The following COL4A5 variants were observed in gnomAD, a reference collection of about 807,000 sequenced individuals.
COL4A5 encodes the protein collagen type IV alpha 5 chain.
A neutral mutation model predicts 130.2 loss-of-function variants in COL4A5; 26 were observed. The ratio of observed to expected loss-of-function variants is 0.20; its 90% confidence interval spans 0.15 to 0.28. COL4A5 has a LOEUF of 0.28. COL4A5 is among the 10% of genes least tolerant of loss of function. The pLI is 1.00. For missense variants in COL4A5, 1,131 were observed against 1,344.3 expected (o/e 0.84, Z 2.48); for synonymous variants, 496 against 439.6 (o/e 1.13, Z -1.60).
chrX:108,485,067 C>T (rs1480105184), intron 1 of COL4A5, among the ~76,000 whole-genome samples: 1 of 112,054 alleles, frequency 8.9e-6, no homozygotes. Flanking sequence ...GGAGCCTCAC[C>T]TCATGGTCAC....
intron 1 of COL4A5, among the ~76,000 whole-genome samples, chrX:108,527,093 G>T (rs113128653): frequency 3.0e-4 from 33 of 110,537 alleles, no homozygotes; most frequent in Non-Finnish European, 6.1e-4. Context: ...TGAAGAGTCC[G>T]TGCTAGTTGT....
intron 36 of COL4A5, among the ~76,000 whole-genome samples, chrX:108,630,019 G>C (rs1442061524): frequency 9.0e-6 from 1 of 111,660 alleles, no homozygotes. Flanking sequence ...AGTATTCCAT[G>C]GTGTATATGT....
chrX:108,565,206 G>A (rs2065950268), intron 4 of COL4A5, among the ~76,000 whole-genome samples: 1 of 110,976 alleles, frequency 9.0e-6, no homozygotes, highest in Non-Finnish European at 1.9e-5. Context: ...GGAATAGGTG[G>A]CCTGATAGTT....
intron 19 of COL4A5, among the ~76,000 whole-genome samples, chrX:108,588,149 T>A (rs1280461933): frequency 1.8e-5 from 2 of 111,292 alleles, no homozygotes; most frequent in South Asian, 7.5e-4. Flanking sequence ...TTTATTTGAA[T>A]GTTCTCTGAA....
chrX:108,551,359 G>A (rs866436466), intron 2 of COL4A5, among the ~76,000 whole-genome samples: 1 of 111,293 alleles, frequency 9.0e-6, no homozygotes, highest in Non-Finnish European at 1.9e-5. Context: ...GAACACATAC[G>A]CCTCAAAAGA....
At chrX:108,570,178 A>C (rs2066041075) in intron 6 of COL4A5, among the ~76,000 whole-genome samples, 2 of 111,648 alleles carry the variant, frequency 1.8e-5, no homozygotes, top group Non-Finnish European at 1.9e-5. Flanking sequence ...TTTTTAAAAA[A>C]AATTTTGGAT....
chrX:108,533,531 T>A (rs2065414271), intron 1 of COL4A5, among the ~76,000 whole-genome samples: 1 of 110,774 alleles, frequency 9.0e-6, no homozygotes, highest in South Asian at 3.8e-4. Context: ...CTTAAGCAAT[T>A]CAACAAGCTA....
chrX:108,498,833 T>C (rs2065055092), intron 1 of COL4A5, among the ~76,000 whole-genome samples: 1 of 111,488 alleles, frequency 9.0e-6, no homozygotes, highest in African/African-American at 3.3e-5. Context: ...TTTACTAACT[T>C]CAGTTTTATA....
intron 3 of COL4A5, among the ~76,000 whole-genome samples, chrX:108,562,721 A>C (rs1393705296): frequency 8.9e-6 from 1 of 112,012 alleles, no homozygotes; most frequent in African/African-American, 3.2e-5. Context: ...ATTCTGGTAC[A>C]TGTGTATGTT....
intron 1 of COL4A5, among the ~76,000 whole-genome samples, chrX:108,516,989 A>G (rs1337521937): frequency 9.0e-6 from 1 of 111,627 alleles, no homozygotes; most frequent in African/African-American, 3.2e-5. Flanking sequence ...TGCATACATC[A>G]GAGCATTATT....
Position 108,693,965 on chromosome X carries a change from T to TA in COL4A5, c.4707-839dup, listed in dbSNP as rs769865053. The TA allele has an allele frequency of 1.2e-3, 138 of 110,945 alleles. 1 individual carries two copies. Among genetic ancestry groups the TA allele is most frequent in the African/African-American group, 3.4e-3 (105 of 30,486 alleles). The allele number at this position is 110,945 out of a possible 1,213,427, so 9.1% of individuals were successfully genotyped here. On this transcript the variant is annotated intron_variant, in intron 50 of 52. Transcript: ENST00000328300. ...TTCCTTTGATAGTAAATATAAAGAT[T>TA]AAAGCTGGTTCAGCCTTAGTAGCAA...
chrX:108,623,794 G>T (rs1463443197), intron 33 of COL4A5, among the ~76,000 whole-genome samples: 1 of 111,682 alleles, frequency 9.0e-6, no homozygotes, highest in Non-Finnish European at 1.9e-5. Context: ...AAGAGGCAGG[G>T]TCACCTAATT....
Position 108,601,804 on chromosome X carries a change from A to T in COL4A5, c.2042-81A>T, listed in dbSNP as rs1249340549. 1.3e-5 allele frequency: 8 copies of T among 604,010 alleles called. No individual in the cohort carries two copies. The East Asian group carries it at 1.8e-4, about 14-fold the overall frequency. 49.8% of individuals were successfully genotyped at this position (604,010 alleles called of 1,213,427 possible). On this transcript the variant is annotated intron_variant, in intron 26 of 52. Coordinates refer to ENST00000328300, the MANE Select transcript of COL4A5 (RefSeq NM_033380.3). ...CTCAGCCTCCCAAAGTGCTGGGATTACAAGAGTGAGCCACTGCACCTGGCC... is the reference window on the plus strand; with the variant it reads ...CTCAGCCTCCCAAAGTGCTGGGATTTCAAGAGTGAGCCACTGCACCTGGCC...
At chrX:108,523,313 A>G (rs921741867) in intron 1 of COL4A5, among the ~76,000 whole-genome samples, 3 of 112,132 alleles carry the variant, frequency 2.7e-5, no homozygotes, top group Non-Finnish European at 5.6e-5. Context: ...GCATATAGGT[A>G]TCCAGTTGTT....
At chrX:108,621,304 C>A (rs2067045261) in intron 31 of COL4A5, among the ~76,000 whole-genome samples, 1 of 108,479 alleles carries the variant, frequency 9.2e-6, no homozygotes, top group Non-Finnish European at 1.9e-5. Flanking sequence ...ACTACAAGCA[C>A]ATACCACCAC....
intron 25 of COL4A5, 127 bp downstream of exon 25, chrX:108,598,997 G>T: frequency 1.6e-6 from 1 of 619,184 alleles, no homozygotes; most frequent in East Asian, 3.5e-5. Context: ...ACTCTTCAGA[G>T]CATCTTAGCA....
At chrX:108,644,730 T>G (rs1435434371) in intron 36 of COL4A5, among the ~76,000 whole-genome samples, 1 of 110,329 alleles carries the variant, frequency 9.1e-6, no homozygotes, top group African/African-American at 3.3e-5. Flanking sequence ...TGAAACCTTA[T>G]GTCTACTAAA....
Position 108,695,343 on chromosome X carries a change from C to T in COL4A5, c.4898C>T (p.Ala1633Val), listed in dbSNP as rs982188184. The change falls in exon 52 of 53, where the codon GCT becomes GTT. Residue 1633 changes from alanine to valine, a missense_variant. Physicochemically the swap from Ala to Val is moderately conservative, Grantham distance 64. Transcript: ENST00000328300. Reference protein sequence around the residue: ...PGSCLEEFRSAPFIECHGRGT... With the variant: ...PGSCLEEFRSVPFIECHGRGT... ...TCCTGCTTGGAAGAGTTTCGTTCAG[C>T]TCCCTTCATCGAATGTCATGGGAGG... 1.5e-5 allele frequency: 18 copies of T among 1,209,553 alleles called. 1 individual carries two copies. Among genetic ancestry groups the T allele is most frequent in the Admixed American group, 1.3e-4 (6 of 45,651 alleles).
Position 108,563,925 on chromosome X carries a change from G to A in COL4A5, c.275G>A (p.Arg92Lys). Residue 92 changes from arginine (R) to lysine (K), a missense_variant and splice_region_variant, in exon 4 of 53, where the codon AGA becomes AAA. Arg to Lys is a conservative substitution (Grantham distance 26, BLOSUM62 2). Coordinates refer to ENST00000328300, the MANE Select transcript of COL4A5 (RefSeq NM_033380.3). ...GGGCCACCAGGACCAAAAGGAATCA[G>A]AGTAAGTAGTATTTTCTCTATATCA... is the stretch of plus-strand genomic sequence containing the variant. ...IPGPPGPKGI[R>K]GPPGLPGFPG... The A allele has an allele frequency of 1.7e-6, 2 of 1,195,318 alleles. No individual in the cohort carries two copies. Among genetic ancestry groups the A allele is most frequent in the Non-Finnish European group, 1.1e-6 (1 of 881,627 alleles).
Sources: gnomAD v4.1 joint callset for allele counts (sites outside exome capture counted in the v4.1 genomes callset) on GRCh38, gnomAD v4.1.1 for gene constraint, MANE v1.5 for transcripts, NCBI Gene and HGNC (gene_info 2026-07-23, HGNC 2026-07-21) for gene names.